NFIA: variants seen among roughly 807,000 people sequenced by gnomAD.
The protein encoded by NFIA is nuclear factor 1 A-type.
Under a neutral mutation model 62.8 loss-of-function variants are expected in NFIA, and 8 were observed. The observed-to-expected ratio is 0.13, with a 90% CI of 0.07 to 0.23. The LOEUF (loss-of-function observed/expected upper bound fraction) is 0.23, where lower values mean the gene tolerates loss of function less well. Ranked by LOEUF, NFIA falls within the 10% of genes least tolerant of loss-of-function variation. The pLI, the probability that NFIA is intolerant of heterozygous loss-of-function variation, is 1.00. For missense variants in NFIA, 410 were observed against 642.1 expected, an observed-to-expected ratio of 0.64 and a Z score of 3.91; for synonymous variants, 235 against 238.1, an observed-to-expected ratio of 0.99 and a Z score of 0.12.
chr1:61,428,041 T>C (rs1020909193), intron 10 of NFIA, among the ~76,000 whole-genome samples: 1 of 152,186 alleles, frequency 6.6e-6, no homozygotes, highest in African/African-American at 2.4e-5. Flanking sequence ...TGGCTCTATA[T>C]TGGATGATTG....
rs970376373 is a variant in NFIA at position 61,449,137 on chromosome 1, G to A, written c.1513-6166G>A. ...GCACATGCTACTGACGCAGTTGGCCGCAACTGGCCCCGCTGCAACAACTCT... is the reference window on the plus strand; with the variant it reads ...GCACATGCTACTGACGCAGTTGGCCACAACTGGCCCCGCTGCAACAACTCT... On this transcript the variant is annotated intron_variant, in intron 10 of 10. Transcript: ENST00000403491. Among the ~76,000 whole-genome samples the A allele has an allele frequency of 3.9e-5, 6 of 152,164 alleles. No homozygotes were observed. In the South Asian group the frequency reaches 6.2e-4, roughly 16 times the overall value.
chr1:61,142,652 G>C (rs1342286190), intron 2 of NFIA, among the ~76,000 whole-genome samples: 1 of 152,104 alleles, frequency 6.6e-6, no homozygotes, highest in Admixed American at 6.6e-5. Context: ...TCCTTTACTC[G>C]TAATTTTAGT....
At chr1:61,266,308 A>G (rs192060572) in intron 2 of NFIA, among the ~76,000 whole-genome samples, 1 of 152,288 alleles carries the variant, frequency 6.6e-6, no homozygotes, top group Admixed American at 6.5e-5. Context: ...GACCTTTCCC[A>G]AGAGAGACCC....
At chr1:61,439,435 T>C (rs1667480615) in intron 10 of NFIA, 1 of 151,154 alleles carries the variant, frequency 6.6e-6, no homozygotes, top group Non-Finnish European at 1.5e-5. Flanking sequence ...TCCTTCTACA[T>C]TATTAATTGT....
At chr1:61,283,029 C>T (rs1323051996) in intron 3 of NFIA, among the ~76,000 whole-genome samples, 1 of 152,158 alleles carries the variant, frequency 6.6e-6, no homozygotes, top group Middle Eastern at 3.2e-3. Flanking sequence ...ATTTCCAGCT[C>T]TACCTGCCAA....
chr1:61,284,064 G>A (rs1285809175), intron 3 of NFIA, among the ~76,000 whole-genome samples: 1 of 152,160 alleles, frequency 6.6e-6, no homozygotes. Context: ...CAATTACCTA[G>A]CAACAGTTCT....
chr1:61,179,597 AG>A (rs753640310), intron 2 of NFIA, among the ~76,000 whole-genome samples: 10 of 152,176 alleles, frequency 6.6e-5, no homozygotes, highest in Non-Finnish European at 1.3e-4. Context: ...CAGAGCTTTG[AG>A]GGCAGCTGTT....
chr1:61,267,947 G>T (rs375729510), intron 2 of NFIA, among the ~76,000 whole-genome samples: 1 of 152,146 alleles, frequency 6.6e-6, no homozygotes, highest in Non-Finnish European at 1.5e-5. Flanking sequence ...AGATGGATAG[G>T]CCCAAAGACA....
intron 3 of NFIA, among the ~76,000 whole-genome samples, chr1:61,303,181 C>T (rs749764155): frequency 1.3e-5 from 2 of 152,156 alleles, no homozygotes; most frequent in Non-Finnish European, 2.9e-5. Flanking sequence ...GTACCTTGCA[C>T]AGGTCAAATG....
chr1:61,405,047 A>T (rs1665748734), intron 8 of NFIA, among the ~76,000 whole-genome samples: 1 of 152,150 alleles, frequency 6.6e-6, no homozygotes, highest in Non-Finnish European at 1.5e-5. Flanking sequence ...GCCAAATTTG[A>T]TTTTCCTTTT....
chr1:61,143,441 G>A (rs148616446), intron 2 of NFIA, among the ~76,000 whole-genome samples: 1 of 152,110 alleles, frequency 6.6e-6, no homozygotes, highest in African/African-American at 2.4e-5. Flanking sequence ...CCAGGCTGGA[G>A]TATAGTGGTG....
chr1:61,178,386 G>A (rs1650538815), intron 2 of NFIA, among the ~76,000 whole-genome samples: 1 of 152,112 alleles, frequency 6.6e-6, no homozygotes, highest in African/African-American at 2.4e-5. Flanking sequence ...TTAGTGATAA[G>A]GATGAATTTT....
intron 2 of NFIA, among the ~76,000 whole-genome samples, chr1:61,180,477 T>C (rs1650686779): frequency 6.6e-6 from 1 of 152,128 alleles, no homozygotes; most frequent in African/African-American, 2.4e-5. Context: ...CATACAAAAG[T>C]CCTACAGCCA....
intron 2 of NFIA, among the ~76,000 whole-genome samples, chr1:61,196,699 C>G (rs1016551387): frequency 3.3e-5 from 5 of 152,112 alleles, no homozygotes; most frequent in Non-Finnish European, 1.5e-5. Context: ...ATTCTAGTAT[C>G]TGTATTCTCC....
chr1:61,108,172 A>G (rs2100448154), intron 2 of NFIA, among the ~76,000 whole-genome samples: 1 of 151,780 alleles, frequency 6.6e-6, no homozygotes, highest in South Asian at 2.1e-4. Flanking sequence ...AAGTTTTGTG[A>G]AACATCCTAT....
intron 2 of NFIA, 131 bp from the exon 3 acceptor site, chr1:61,277,389 A>G (rs1453505996): frequency 9.1e-6 from 7 of 766,852 alleles, no homozygotes; most frequent in African/African-American, 1.8e-5. Flanking sequence ...TCTTTTTTTC[A>G]TGTCTCATGT....
chr1:61,246,936 T>A (rs1458749251), intron 2 of NFIA, among the ~76,000 whole-genome samples: 1 of 152,230 alleles, frequency 6.6e-6, no homozygotes, highest in African/African-American at 2.4e-5. Flanking sequence ...TCAAGAATCC[T>A]GAACTCATTC....
chr1:61,448,662 C>T lies in NFIA; in HGVS notation c.1513-6641C>T, dbSNP rs535134244. ...TTCATAATGGTGCCAGGATTTTTGT[C>T]ATTCGGACCCCAGAGTCCTGGCTCT... On this transcript the variant is annotated intron_variant, in intron 10 of 10. Transcript: ENST00000403491. Among the ~76,000 whole-genome samples the T allele has an allele frequency of 1.1e-4, 17 of 152,316 alleles. No individual in the cohort carries two copies. The South Asian group carries it at 3.5e-3, about 32-fold the overall frequency.
At chr1:61,158,613 A>G (rs1216200277) in intron 2 of NFIA, among the ~76,000 whole-genome samples, 2 of 152,204 alleles carry the variant, frequency 1.3e-5, no homozygotes, top group Admixed American at 6.5e-5. Flanking sequence ...GAGAATCTCA[A>G]TGGAAGAGAT....
Sources: gnomAD v4.1 joint callset for allele counts (sites outside exome capture counted in the v4.1 genomes callset) on GRCh38, gnomAD v4.1.1 for gene constraint, MANE v1.5 for transcripts, NCBI Gene and HGNC (gene_info 2026-07-23, HGNC 2026-07-21) for gene names.